The following WWOX variants were observed in gnomAD, a reference collection of about 807,000 sequenced individuals.
The protein encoded by WWOX is WW domain-containing oxidoreductase.
Under a neutral mutation model 46.2 loss-of-function variants are expected in WWOX, and 69 were observed. The ratio of observed to expected loss-of-function variants is 1.49; its 90% confidence interval spans 1.23 to 1.82. The LOEUF (loss-of-function observed/expected upper bound fraction) is 1.82, where lower values mean the gene tolerates loss of function less well. Among genes scored for constraint, WWOX ranks in the 40% most tolerant of loss-of-function variants. The pLI is 0.00. For missense variants in WWOX, 919 were observed against 542.6 expected, an observed-to-expected ratio of 1.69 and a Z score of -6.89; for synonymous variants, 359 against 202.6, an observed-to-expected ratio of 1.77 and a Z score of -6.56.
chr16:79,142,558 GTTA>G (rs2050110289), intron 8 of WWOX, among the ~76,000 whole-genome samples: 1 of 152,104 alleles, frequency 6.6e-6, no homozygotes, highest in African/African-American at 2.4e-5. Flanking sequence ...GATCTTAATT[GTTA>G]TTAGAGAGAA....
rs536133257 is a variant in WWOX at position 78,917,025 on chromosome 16, T to C, written c.1057-294583T>C. ...CACCATTTTGTGACAAGCTCACTCC[T>C]TGGGTCTTATGACAAATGTTGACTC... On this transcript the variant is annotated intron_variant, in intron 8 of 8. Transcript: ENST00000566780. Among the ~76,000 whole-genome samples, 9 of 152,318 alleles carry C rather than the reference T, an allele frequency of 5.9e-5. No individual in the cohort carries two copies. The South Asian group carries it at 1.9e-3, about 32-fold the overall frequency.
At chr16:79,003,190 G>A (rs757845258) in intron 8 of WWOX, among the ~76,000 whole-genome samples, 1 of 152,184 alleles carries the variant, frequency 6.6e-6, no homozygotes, top group African/African-American at 2.4e-5. Context: ...ATAAAACTAA[G>A]TGCTTAGTGA....
chr16:78,567,797 G>A (rs2044610339), intron 8 of WWOX, among the ~76,000 whole-genome samples: 1 of 152,000 alleles, frequency 6.6e-6, no homozygotes, highest in Non-Finnish European at 1.5e-5. Context: ...CAAACCAGCA[G>A]AGCCTCCAGC....
At chr16:79,203,321 A>G (rs2150835218) in intron 8 of WWOX, 1 of 152,318 alleles carries the variant, frequency 6.6e-6, no homozygotes, top group Non-Finnish European at 1.5e-5. Flanking sequence ...TGAGCTCTGT[A>G]TGGAAATCCA....
chr16:78,696,280 A>C (rs973184336), intron 8 of WWOX, among the ~76,000 whole-genome samples: 2 of 152,102 alleles, frequency 1.3e-5, no homozygotes, highest in Non-Finnish European at 2.9e-5. Context: ...GGGATTTTCT[A>C]CAGCTCATAT....
chr16:79,206,464 A>AG (rs1240130114), intron 8 of WWOX: 1 of 152,208 alleles, frequency 6.6e-6, no homozygotes, highest in East Asian at 1.9e-4. Context: ...AAATAAATGG[A>AG]AATACTAACT....
intron 5 of WWOX, among the ~76,000 whole-genome samples, chr16:78,324,383 C>T (rs78751438): frequency 0.13 from 19,425 of 151,994 alleles, 1,546 homozygotes; most frequent in East Asian, 0.37. Flanking sequence ...AAACAGTCGG[C>T]GGTTCCTCCA....
At chr16:78,262,689 A>G (rs1437522342) in intron 5 of WWOX, among the ~76,000 whole-genome samples, 2 of 152,158 alleles carry the variant, frequency 1.3e-5, no homozygotes, top group East Asian at 1.9e-4. Context: ...GGAGGAGGGG[A>G]TATTTAGACT....
At chr16:78,859,027 A>AATAT (rs1555551611) in intron 8 of WWOX, among the ~76,000 whole-genome samples, 719 of 23,368 alleles carry the variant, frequency 0.031, 12 homozygotes, top group African/African-American at 0.048. Context: ...AAAAAAAAAA[A>AATAT]ATATATATAT....
chr16:78,619,191 A>T (rs1174031614), intron 8 of WWOX, among the ~76,000 whole-genome samples: 1 of 30,838 alleles, frequency 3.2e-5, no homozygotes, highest in Non-Finnish European at 5.5e-5. Context: ...ATATATATAT[A>T]TATATATATA....
intron 8 of WWOX, among the ~76,000 whole-genome samples, chr16:79,029,031 A>G (rs769921966): frequency 3.4e-5 from 5 of 149,202 alleles, no homozygotes; most frequent in South Asian, 4.1e-4. Context: ...ATATTTGAGG[A>G]TGACCTGCCA....
At chr16:79,081,397 C>G (rs761807646) in intron 8 of WWOX, among the ~76,000 whole-genome samples, 1 of 152,200 alleles carries the variant, frequency 6.6e-6, no homozygotes, top group Non-Finnish European at 1.5e-5. Context: ...TTCTTGACCT[C>G]AGGTGATCCA....
chr16:79,053,380 G>A (rs561168107), intron 8 of WWOX, among the ~76,000 whole-genome samples: 1 of 152,286 alleles, frequency 6.6e-6, no homozygotes, highest in South Asian at 2.1e-4. Context: ...CGCACGTAAA[G>A]AAACAATCCT....
chr16:78,840,521 G>C (rs962093212), intron 8 of WWOX, among the ~76,000 whole-genome samples: 2 of 152,090 alleles, frequency 1.3e-5, no homozygotes, highest in Non-Finnish European at 2.9e-5. Context: ...CAGAGCCAGT[G>C]GTTTATTTTG....
chr16:78,152,539 C>A (rs2034454546), intron 4 of WWOX, among the ~76,000 whole-genome samples: 1 of 152,126 alleles, frequency 6.6e-6, no homozygotes, highest in Admixed American at 6.6e-5. Context: ...GCCTGGTTGC[C>A]CCACATCTTT....
At chr16:78,237,073 C>CA (rs35866443) in intron 5 of WWOX, among the ~76,000 whole-genome samples, 11,838 of 80,404 alleles carry the variant, frequency 0.15, 964 homozygotes, top group Non-Finnish European at 0.19. Flanking sequence ...GACTCCGTCT[C>CA]AAAAAAAAAA....
chr16:78,772,882 G>T (rs2142525650), intron 8 of WWOX, among the ~76,000 whole-genome samples: 1 of 152,164 alleles, frequency 6.6e-6, no homozygotes, highest in South Asian at 2.1e-4. Flanking sequence ...AAAAATAATG[G>T]GGTGCAGTGG....
chr16:78,297,054 T>C (rs1318966493), intron 5 of WWOX, among the ~76,000 whole-genome samples: 1 of 152,218 alleles, frequency 6.6e-6, no homozygotes, highest in African/African-American at 2.4e-5. Flanking sequence ...AATAAAAATA[T>C]GTCCTGGGTT....
chr16:78,663,862 A>C (rs2047270808), intron 8 of WWOX, among the ~76,000 whole-genome samples: 1 of 152,284 alleles, frequency 6.6e-6, no homozygotes, highest in East Asian at 1.9e-4. Flanking sequence ...GTGGAAACAC[A>C]CTCGATGTGT....
Sources: allele counts gnomAD v4.1 joint callset (sites outside exome capture counted in the v4.1 genomes callset), GRCh38; gene constraint gnomAD v4.1.1; transcripts MANE v1.5; gene names NCBI Gene and HGNC (gene_info 2026-07-23, HGNC 2026-07-21).